Variants in BAIAP2L2 observed in about 807,000 individuals in gnomAD.
The protein encoded by BAIAP2L2 is BAR/IMD domain containing adaptor protein 2 like 2, also known as BAR/IMD domain-containing adapter protein 2-like 2.
BAIAP2L2 carries 65 observed loss-of-function variants against 60.4 expected under a neutral mutation model. The ratio of observed to expected loss-of-function variants is 1.08; its 90% CI spans 0.88 to 1.32. BAIAP2L2 has a LOEUF of 1.32. Among genes scored for constraint, BAIAP2L2 ranks in the 40% most tolerant of loss-of-function variants. The probability of loss-of-function intolerance (pLI) is 0.00; values close to 1 mark genes in which losing one functional copy is unlikely to be tolerated. For synonymous variants in BAIAP2L2, 344 were observed against 301.7 expected (o/e 1.14, Z -1.45); for missense variants, 836 against 741.2 (o/e 1.13, Z -1.48).
rs1464903879 is a variant in BAIAP2L2 at position 38,088,945 on chromosome 22, G to A, written c.921C>T (p.Ser307=). Residue 307 remains serine (S), a synonymous_variant, in exon 10 of 14, where the codon AGC becomes AGT. Transcript: ENST00000381669. ...AGGAGTTGGAGCGCGAGCTTTGGGC[G>A]CTGCCGCTGTAGAGCGAGGCTGTGG... ...TPSASSLYSG[S]AQSSRSNSFG... is the part of the protein sequence containing the mutation. 8 of 1,533,298 alleles carry A rather than the reference G, an allele frequency of 5.2e-6. No homozygotes were observed. Among genetic ancestry groups the A allele is most frequent in the South Asian group, 3.6e-5 (3 of 83,536 alleles). The allele number at this position is 1,533,298 out of a possible 1,614,324, so 95.0% of individuals were successfully genotyped here. A position where few individuals can be genotyped will look rare whatever the true frequency, so the allele number is the denominator to read the frequency against.
rs557511464 is a variant in BAIAP2L2, at chr22:38,107,589, C to T, written c.276+263G>A. 2.6e-5 allele frequency among the ~76,000 whole-genome samples: 4 copies of T among 152,282 alleles called. No homozygotes were observed. In the South Asian group the frequency reaches 8.3e-4, roughly 32 times the overall value. On this transcript the variant is annotated intron_variant, in intron 4 of 13. Coordinates refer to ENST00000381669, the MANE Select transcript of BAIAP2L2 (RefSeq NM_025045.6). ...TTTCTCTTCCTTGGGCCTCCATTCA[C>T]TCTGGCATCTCAGGCAATGACTAGC...
intron 8 of BAIAP2L2, 101 bp downstream of exon 8, chr22:38,089,421 A>C (rs2086221033): frequency 1.2e-5 from 8 of 649,304 alleles, no homozygotes; most frequent in African/African-American, 2.0e-5. Flanking sequence ...GTAGAGCGGG[A>C]GCCTGGGGGG....
At chr22:38,097,965 G>A in intron 6 of BAIAP2L2, 98 bp downstream of exon 6, 1 of 1,122,684 alleles carries the variant, frequency 8.9e-7, no homozygotes, top group East Asian at 2.4e-5. Flanking sequence ...CTCGGTGGGG[G>A]AGCTCAGGGA....
chr22:38,101,411 G>T (rs985701812), intron 4 of BAIAP2L2, among the ~76,000 whole-genome samples: 1 of 146,844 alleles, frequency 6.8e-6, no homozygotes, highest in African/African-American at 2.5e-5. Context: ...GCCAGACGTG[G>T]TGGTTCATGC....
Position 38,086,388 on chromosome 22 carries a change from T to C in BAIAP2L2, c.1321A>G (p.Ile441Val), listed in dbSNP as rs762677961. The change falls in exon 12 of 14, where the codon ATA becomes GTA. Residue 441 changes from isoleucine to valine, a missense_variant. By Grantham distance (29) the Ile-to-Val change is conservative. Transcript: ENST00000381669. ...DDLLDRPGNS[I>V]APSEYWDGQS... ...CCATCCCAGTACTCCGAGGGTGCTA[T>C]GGAGTTGCCCGGCCGGTCCAGGAGG... 1.2e-5 allele frequency: 18 copies of C among 1,482,520 alleles called. No homozygotes were observed. Among genetic ancestry groups the C allele is most frequent in the Admixed American group, 8.8e-5 (4 of 45,484 alleles). The allele number at this position is 1,482,520 out of a possible 1,614,324, so 91.8% of individuals were successfully genotyped here.
chr22:38,107,068 T>C (rs1232890212), intron 4 of BAIAP2L2, among the ~76,000 whole-genome samples: 1 of 152,188 alleles, frequency 6.6e-6, no homozygotes, highest in Non-Finnish European at 1.5e-5. Context: ...GAGGCAGTTA[T>C]TATGATTCTC....
intron 7 of BAIAP2L2, among the ~76,000 whole-genome samples, chr22:38,096,106 G>C (rs966943961): frequency 6.6e-6 from 1 of 152,026 alleles, no homozygotes; most frequent in Non-Finnish European, 1.5e-5. Flanking sequence ...CATACAAAGA[G>C]ATAAGCAAAG....
At chr22:38,097,920 C>T in intron 6 of BAIAP2L2, 143 bp downstream of exon 6, 1 of 777,934 alleles carries the variant, frequency 1.3e-6, no homozygotes. Context: ...GGCTGGCTGA[C>T]CTCCCCAGCC....
chr22:38,089,283 G>GGC, intron 8 of BAIAP2L2, 52 bp from the exon 9 acceptor site: 6 of 145,662 alleles, frequency 4.1e-5, no homozygotes, highest in East Asian at 1.7e-4. Context: ...GGGGGGCGGG[G>GGC]CCGCGCCCTA....
At chr22:38,086,814 A>G (rs998442010) in intron 11 of BAIAP2L2, among the ~76,000 whole-genome samples, 3 of 151,920 alleles carry the variant, frequency 2.0e-5, no homozygotes, top group Admixed American at 6.6e-5. Flanking sequence ...TGGCCAACAT[A>G]GTGAAACCCT....
chr22:38,109,450 C>T (rs899105709), intron 1 of BAIAP2L2, among the ~76,000 whole-genome samples: 1 of 152,156 alleles, frequency 6.6e-6, no homozygotes, highest in Admixed American at 6.5e-5. Flanking sequence ...ACAGCCAGCT[C>T]CCGCTTACGT....
At chr22:38,103,543 A>G (rs928926352) in intron 4 of BAIAP2L2, among the ~76,000 whole-genome samples, 2 of 152,204 alleles carry the variant, frequency 1.3e-5, no homozygotes, top group Admixed American at 6.5e-5. Context: ...TCAGGCAGAT[A>G]GCAAGGACTC....
chr22:38,096,727 G>A (rs527775369), intron 7 of BAIAP2L2, among the ~76,000 whole-genome samples: 1 of 152,168 alleles, frequency 6.6e-6, no homozygotes, highest in Non-Finnish European at 1.5e-5. Context: ...ATGAATTTGT[G>A]AATTGTGAGA....
intron 4 of BAIAP2L2, among the ~76,000 whole-genome samples, chr22:38,102,276 C>T (rs145869812): frequency 6.6e-5 from 10 of 152,028 alleles, no homozygotes; most frequent in African/African-American, 1.4e-4. Flanking sequence ...GAGAGAATGC[C>T]GTGAGGAGGA....
intron 5 of BAIAP2L2, 115 bp from the exon 6 acceptor site, chr22:38,098,294 T>C: frequency 6.9e-7 from 1 of 1,443,674 alleles, no homozygotes; most frequent in Non-Finnish European, 9.7e-7. Context: ...GCTGGGAACA[T>C]GGATAATCTG....
At chr22:38,088,074 G>A (rs1445772402) in intron 10 of BAIAP2L2, among the ~76,000 whole-genome samples, 3 of 152,184 alleles carry the variant, frequency 2.0e-5, no homozygotes, top group Non-Finnish European at 2.9e-5. Flanking sequence ...ATCCTGCGCT[G>A]CTTCTCTCCT....
intron 8 of BAIAP2L2, 118 bp from the exon 9 acceptor site, chr22:38,089,349 C>T: frequency 1.7e-6 from 1 of 573,320 alleles, no homozygotes; most frequent in Non-Finnish European, 2.6e-6. Context: ...GGGGCGGAGA[C>T]CGGGCCACCA....
At position 38,097,957 on chromosome 22, in the gene BAIAP2L2, CG is replaced by C; in HGVS notation, c.465+105del. ...CGCTCATCACAGTTGGGCTGGTGCT[CG>C]GTGGGGGAGCTCAGGGAGGCGTTCG... On this transcript the variant is annotated intron_variant, in intron 6 of 13. Transcript: ENST00000381669. The C allele has an allele frequency of 1.7e-5, 18 of 1,066,174 alleles. 1 individual carries two copies. The South Asian group carries it at 2.4e-4, about 15-fold the overall frequency. The allele number at this position is 1,066,174 out of a possible 1,614,324, so 66.0% of individuals were successfully genotyped here. A position where few individuals can be genotyped will look rare whatever the true frequency, so the allele number is the denominator to read the frequency against.
intron 6 of BAIAP2L2, among the ~76,000 whole-genome samples, chr22:38,097,733 G>A (rs2146000482): frequency 6.6e-6 from 1 of 152,196 alleles, no homozygotes; most frequent in African/African-American, 2.4e-5. Flanking sequence ...GGCGGCTGGT[G>A]GATGACACCT....
Sources: gnomAD v4.1 joint callset for allele counts (sites outside exome capture counted in the v4.1 genomes callset) on GRCh38, gnomAD v4.1.1 for gene constraint, MANE v1.5 for transcripts, NCBI Gene and HGNC (gene_info 2026-07-23, HGNC 2026-07-21) for gene names.